Variants in CHODL observed in about 807,000 individuals in gnomAD.
The protein encoded by CHODL is transmembrane protein MT75.
Under a neutral mutation model 34.5 loss-of-function variants are expected in CHODL, and 29 were observed. The observed-to-expected ratio is 0.84, with a 90% CI of 0.63 to 1.15. The LOEUF is 1.15. Among genes scored for constraint, CHODL ranks in the 50% most tolerant of loss-of-function variants. The pLI is 0.00. For synonymous variants in CHODL, 125 were observed against 116.1 expected (o/e 1.08, Z -0.49); for missense variants, 332 against 332.5 (o/e 1.00, Z 0.01).
chr21:18,208,750 C>T lies in CHODL; in HGVS notation c.-44-47759C>T, dbSNP rs561242824. ...CCAGTAATGACATGGCTCTTGCAGA[C>T]TCAGAGGTACAAATTTGGTTGTCTT... is the stretch of plus-strand genomic sequence containing the variant. On this transcript the variant is annotated intron_variant, in intron 2 of 6. Coordinates refer to the CHODL transcript ENST00000400127. 1.1e-4 allele frequency among the ~76,000 whole-genome samples: 16 copies of T among 152,226 alleles called. No homozygotes were observed. The East Asian group carries it at 2.9e-3, about 28-fold the overall frequency.
In CHODL at chr21:18,233,431, T is replaced by A. The variant is rs761616; in HGVS notation, c.-44-23078T>A. On this transcript the variant is annotated intron_variant, in intron 2 of 6. Coordinates refer to the CHODL transcript ENST00000400127. Reference sequence around the variant, plus strand: ...ATTTCCTTATCTTTAAAACTGGGGATGGCTATAGTATCATAAGACATTCAT... The same window carrying A: ...ATTTCCTTATCTTTAAAACTGGGGAAGGCTATAGTATCATAAGACATTCAT... Among the ~76,000 whole-genome samples, 550 of 152,026 alleles carry A rather than the reference T, an allele frequency of 3.6e-3. 6 individuals carry two copies. Among genetic ancestry groups the A allele is most frequent in the African/African-American group, 0.012 (509 of 41,432 alleles).
intron 1 of CHODL, among the ~76,000 whole-genome samples, chr21:17,969,173 A>G (rs1008410438): frequency 1.3e-5 from 2 of 152,236 alleles, no homozygotes; most frequent in Non-Finnish European, 2.9e-5. Context: ...TATTCACTTT[A>G]TATTAAATAT....
intron 2 of CHODL, among the ~76,000 whole-genome samples, chr21:18,227,371 TA>T (rs1182034688): frequency 2.0e-5 from 3 of 152,128 alleles, no homozygotes; most frequent in Admixed American, 2.0e-4. Context: ...ATTCTAAACA[TA>T]AAAACTGTCA....
At chr21:18,260,134 ATT>A (rs2074362720) in intron 3 of CHODL, 64 bp from the exon 4 acceptor site, 2 of 616,380 alleles carry the variant, frequency 3.2e-6, no homozygotes, top group Non-Finnish European at 5.0e-6. Flanking sequence ...ATAATTTCAT[ATT>A]TATATATATT....
chr21:18,012,798 GAAATATATGGTGA>G (rs1329740746), intron 1 of CHODL, among the ~76,000 whole-genome samples: 20 of 152,188 alleles, frequency 1.3e-4, no homozygotes, highest in Non-Finnish European at 2.4e-4. Flanking sequence ...TCACCATGCT[GAAATATATGGTGA>G]AAATACAAAT....
chr21:18,265,951 CA>C lies in CHODL; in HGVS notation c.738-2del, dbSNP rs2074455259. 3.1e-6 allele frequency: 5 copies of C among 1,605,536 alleles called. No homozygotes were observed. In the South Asian group the frequency reaches 5.6e-5, roughly 18 times the overall value. ...ACTAAACATTTTTTCTTATGTTTTTCAGTAAAGGAAGAACAAAAACTAGTCC... is the reference window on the plus strand; with the variant it reads ...ACTAAACATTTTTTCTTATGTTTTTCGTAAAGGAAGAACAAAAACTAGTCC... On this transcript the variant is annotated splice_acceptor_variant, in intron 5 of 5. Transcript: ENST00000299295. LOFTEE classifies it high-confidence loss of function.
chr21:18,128,068 A>C (rs916511862), intron 2 of CHODL, among the ~76,000 whole-genome samples: 2 of 151,810 alleles, frequency 1.3e-5, no homozygotes, highest in Non-Finnish European at 2.9e-5. Context: ...TGGGAGGCGG[A>C]GGTGGGCGGA....
intron 2 of CHODL, among the ~76,000 whole-genome samples, chr21:18,101,464 C>G (rs1249430741): frequency 2.0e-5 from 3 of 152,036 alleles, no homozygotes; most frequent in Non-Finnish European, 4.4e-5. Flanking sequence ...TTTCTATTTT[C>G]TTATTCCTAT....
At chr21:18,006,845 T>C (rs1469588284) in intron 1 of CHODL, among the ~76,000 whole-genome samples, 3 of 152,228 alleles carry the variant, frequency 2.0e-5, no homozygotes, top group African/African-American at 4.8e-5. Flanking sequence ...CCTTTTGCAA[T>C]TTGGCAGCTT....
chr21:18,108,525 G>T (rs13048693), intron 2 of CHODL, among the ~76,000 whole-genome samples: 6,885 of 152,260 alleles, frequency 0.045, 201 homozygotes, highest in African/African-American at 0.079. Flanking sequence ...ATGAGGGTTA[G>T]TGTTGACTCT....
chr21:18,009,884 T>G (rs2063996888), intron 1 of CHODL, among the ~76,000 whole-genome samples: 2 of 63,328 alleles, frequency 3.2e-5, no homozygotes, highest in African/African-American at 1.6e-4. Context: ...CCAGACTCCG[T>G]CTCAAAAAAA....
At chr21:18,090,595 G>T (rs754164452) in intron 2 of CHODL, among the ~76,000 whole-genome samples, 1 of 151,320 alleles carries the variant, frequency 6.6e-6, no homozygotes, top group East Asian at 1.9e-4. Flanking sequence ...ATTCAGAAAA[G>T]AATCTAAACT....
chr21:17,919,139 G>A (rs558213108), intron 1 of CHODL, among the ~76,000 whole-genome samples: 3 of 152,302 alleles, frequency 2.0e-5, no homozygotes, highest in South Asian at 2.1e-4. Context: ...GGTGCGCAGT[G>A]CAAGCTGTCA....
intron 1 of CHODL, among the ~76,000 whole-genome samples, chr21:17,945,332 A>G (rs1234396503): frequency 1.3e-5 from 2 of 152,082 alleles, no homozygotes; most frequent in African/African-American, 4.8e-5. Context: ...ACAAAAATAC[A>G]CAGATAGATT....
At chr21:18,113,155 G>T (rs1052338980) in intron 2 of CHODL, among the ~76,000 whole-genome samples, 2 of 152,110 alleles carry the variant, frequency 1.3e-5, no homozygotes, top group Admixed American at 1.3e-4. Context: ...TGGCAAATAG[G>T]CATATGAAAA....
At chr21:17,942,867 G>T (rs2063376741) in intron 1 of CHODL, among the ~76,000 whole-genome samples, 2 of 152,172 alleles carry the variant, frequency 1.3e-5, no homozygotes, top group Admixed American at 1.3e-4. Flanking sequence ...GGATCATGGG[G>T]GTGGAATTCC....
intron 2 of CHODL, among the ~76,000 whole-genome samples, chr21:18,086,086 T>A (rs917108574): frequency 4.0e-5 from 5 of 123,714 alleles, no homozygotes; most frequent in African/African-American, 1.6e-4. Flanking sequence ...GGATTAGTTT[T>A]AAAAAAACTG....
chr21:18,062,475 T>C (rs2064679822), intron 2 of CHODL, among the ~76,000 whole-genome samples: 1 of 151,928 alleles, frequency 6.6e-6, no homozygotes, highest in Non-Finnish European at 1.5e-5. Flanking sequence ...TCTCTCAAAG[T>C]GTAGACATTG....
chr21:18,147,392 T>C (rs1293794656), intron 2 of CHODL, among the ~76,000 whole-genome samples: 1 of 152,210 alleles, frequency 6.6e-6, no homozygotes, highest in Non-Finnish European at 1.5e-5. Flanking sequence ...GTTCTTTGGT[T>C]CTTCCCTATT....
Sources: gnomAD v4.1 joint callset for allele counts (sites outside exome capture counted in the v4.1 genomes callset) on GRCh38, gnomAD v4.1.1 for gene constraint, MANE v1.5 for transcripts, NCBI Gene and HGNC (gene_info 2026-07-23, HGNC 2026-07-21) for gene names.